CNTNAP2: variants seen among roughly 807,000 people sequenced by gnomAD.
The protein encoded by CNTNAP2 is contactin-associated protein-like 2.
CNTNAP2 carries 98 observed loss-of-function variants against 155.2 expected under a neutral mutation model. The observed-to-expected ratio is 0.63, with a 90% CI of 0.54 to 0.75. CNTNAP2 has a LOEUF of 0.75. Ranked by LOEUF, CNTNAP2 falls within the 30% of genes least tolerant of loss-of-function variation. The pLI, the probability that CNTNAP2 is intolerant of heterozygous loss-of-function variation, is 0.00. For synonymous variants in CNTNAP2, 651 were observed against 631.2 expected (o/e 1.03, Z -0.47); for missense variants, 1,727 against 1,688.1 (o/e 1.02, Z -0.40).
intron 3 of CNTNAP2, among the ~76,000 whole-genome samples, chr7:146,867,928 T>C (rs1409749599): frequency 1.3e-5 from 2 of 148,244 alleles, no homozygotes; most frequent in Non-Finnish European, 3.0e-5. Flanking sequence ...TAGACCTTCA[T>C]CAGATGCATA....
intron 3 of CNTNAP2, among the ~76,000 whole-genome samples, chr7:146,920,596 A>G (rs1796480362): frequency 6.6e-6 from 1 of 152,220 alleles, no homozygotes; most frequent in South Asian, 2.1e-4. Flanking sequence ...AGGAAATCAG[A>G]TGGTAAATCA....
chr7:148,096,621 A>G (rs1003326925), intron 15 of CNTNAP2, among the ~76,000 whole-genome samples: 2 of 152,110 alleles, frequency 1.3e-5, no homozygotes, highest in African/African-American at 4.8e-5. Flanking sequence ...AAAGCAGGAG[A>G]CACATTGGCA....
intron 2 of CNTNAP2, among the ~76,000 whole-genome samples, chr7:146,833,728 C>T (rs1220889686): frequency 6.6e-6 from 1 of 152,186 alleles, no homozygotes; most frequent in African/African-American, 2.4e-5. Flanking sequence ...GTAGCTGATA[C>T]ACACAGGGAA....
At chr7:148,158,916 A>G (rs1434759956) in intron 17 of CNTNAP2, among the ~76,000 whole-genome samples, 1 of 152,270 alleles carries the variant, frequency 6.6e-6, no homozygotes, top group Non-Finnish European at 1.5e-5. Flanking sequence ...TGTCCCACAG[A>G]AAAAGATTGT....
At chr7:147,283,812 G>T (rs1263535476) in intron 8 of CNTNAP2, among the ~76,000 whole-genome samples, 1 of 151,778 alleles carries the variant, frequency 6.6e-6, no homozygotes, top group Non-Finnish European at 1.5e-5. Context: ...TCACAGAAGT[G>T]GCTATGAATT....
intron 12 of CNTNAP2, among the ~76,000 whole-genome samples, chr7:147,623,911 C>T (rs1055100855): frequency 5.3e-5 from 8 of 151,946 alleles, no homozygotes; most frequent in Non-Finnish European, 7.4e-5. Context: ...AGCATAAAAA[C>T]AGACATGTAG....
intron 1 of CNTNAP2, among the ~76,000 whole-genome samples, chr7:146,264,236 G>T (rs879203384): frequency 3.3e-5 from 5 of 152,184 alleles, no homozygotes; most frequent in Admixed American, 2.0e-4. Flanking sequence ...CTGAGGTCAG[G>T]AGTTTGAAAC....
chr7:146,864,990 T>TAAAAAAAAAAA (rs55646482), intron 3 of CNTNAP2, among the ~76,000 whole-genome samples: 1 of 84,030 alleles, frequency 1.2e-5, no homozygotes, highest in African/African-American at 5.3e-5. Context: ...AGAGTCTATC[T>TAAAAAAAAAAA]AAAAAAAAAA....
intron 14 of CNTNAP2, among the ~76,000 whole-genome samples, chr7:147,916,598 A>T (rs1800166245): frequency 6.6e-6 from 1 of 151,962 alleles, no homozygotes; most frequent in Non-Finnish European, 1.5e-5. Flanking sequence ...TCTGAAAAAA[A>T]AAAAAAAAAA....
rs189971750 is a variant in CNTNAP2 at position 146,279,819 on chromosome 7, A to G, written c.97+162846A>G. ...TAATATGCATAATAATTTTTAAAAC[A>G]TGCTTAAGGAATCAATCAATAATTA... On this transcript the variant is annotated intron_variant, in intron 1 of 23. Transcript: ENST00000361727. 1.7e-4 allele frequency among the ~76,000 whole-genome samples: 26 copies of G among 151,916 alleles called. No homozygotes were observed. In the East Asian group the frequency reaches 4.4e-3, roughly 26 times the overall value.
At chr7:147,890,346 A>T (rs1227709743) in intron 13 of CNTNAP2, among the ~76,000 whole-genome samples, 2 of 152,238 alleles carry the variant, frequency 1.3e-5, no homozygotes, top group African/African-American at 4.8e-5. Flanking sequence ...CCAAGCATCC[A>T]TCTTAAGATA....
At chr7:148,288,944 C>CAAAA (rs58641348) in intron 21 of CNTNAP2, among the ~76,000 whole-genome samples, 48 of 101,622 alleles carry the variant, frequency 4.7e-4, no homozygotes, top group African/African-American at 8.7e-4. Context: ...TCTTATTCAG[C>CAAAA]AAAAAAAAAA....
At chr7:146,652,669 T>A (rs565016464) in intron 1 of CNTNAP2, among the ~76,000 whole-genome samples, 5 of 152,278 alleles carry the variant, frequency 3.3e-5, no homozygotes, top group African/African-American at 1.2e-4. Context: ...TCATTAAAAA[T>A]AACTTTGAAC....
At chr7:148,018,238 G>C (rs66949315) in intron 15 of CNTNAP2, among the ~76,000 whole-genome samples, 25 of 152,142 alleles carry the variant, frequency 1.6e-4, no homozygotes, top group African/African-American at 6.0e-4. Flanking sequence ...CTATTGATTT[G>C]TTGAGGTGTT....
At chr7:146,714,863 G>C (rs1801159756) in intron 1 of CNTNAP2, among the ~76,000 whole-genome samples, 1 of 152,028 alleles carries the variant, frequency 6.6e-6, no homozygotes, top group Non-Finnish European at 1.5e-5. Context: ...TGACGTTCTG[G>C]GCCCTAGGTC....
intron 3 of CNTNAP2, 89 bp from the exon 4 acceptor site, chr7:147,043,818 A>G (rs1799304045): frequency 6.8e-7 from 1 of 1,472,912 alleles, no homozygotes; most frequent in African/African-American, 1.4e-5. Flanking sequence ...CTACCATTGG[A>G]TGACATTTGT....
intron 3 of CNTNAP2, among the ~76,000 whole-genome samples, chr7:146,962,123 A>G (rs1333372313): frequency 6.6e-6 from 1 of 152,192 alleles, no homozygotes; most frequent in African/African-American, 2.4e-5. Context: ...TTTCTAACAT[A>G]AACTTGATCT....
chr7:148,336,817 T>C (rs1180312167), intron 21 of CNTNAP2, among the ~76,000 whole-genome samples: 2 of 152,206 alleles, frequency 1.3e-5, no homozygotes, highest in African/African-American at 4.8e-5. Flanking sequence ...CTCAAGTCCA[T>C]TGTCAGAATC....
intron 11 of CNTNAP2, among the ~76,000 whole-genome samples, chr7:147,487,193 T>C (rs1386491383): frequency 6.6e-6 from 1 of 152,128 alleles, no homozygotes; most frequent in Non-Finnish European, 1.5e-5. Context: ...TTGCACACAT[T>C]TATTTGTTTA....
Sources: allele counts gnomAD v4.1 joint callset (sites outside exome capture counted in the v4.1 genomes callset), GRCh38; gene constraint gnomAD v4.1.1; transcripts MANE v1.5; gene names NCBI Gene and HGNC (gene_info 2026-07-23, HGNC 2026-07-21).